FMN2: variants seen among roughly 807,000 people sequenced by gnomAD.
The protein encoded by FMN2 is formin 2.
A neutral mutation model predicts 142.3 loss-of-function variants in FMN2; 51 were observed. That is an observed-to-expected ratio of 0.36 (90% CI 0.29 to 0.45). The LOEUF (loss-of-function observed/expected upper bound fraction) is 0.45. Among genes scored for constraint, FMN2 ranks in the 20% least tolerant of loss-of-function variants. FMN2 has a pLI of 1.00. For synonymous variants in FMN2, 882 were observed against 869.8 expected (o/e 1.01, Z -0.25); for missense variants, 1,936 against 2,122.8 (o/e 0.91, Z 1.73).
At chr1:240,290,591 A>G (rs1350224) in intron 7 of FMN2, among the ~76,000 whole-genome samples, 9,973 of 152,154 alleles carry the variant, frequency 0.066, 1,094 homozygotes, top group African/African-American at 0.23. Context: ...AGCATATGCT[A>G]TAAACGAAAG....
chr1:240,329,210 G>A (rs1671297636), intron 9 of FMN2, 43 bp downstream of exon 9: 2 of 1,608,766 alleles, frequency 1.2e-6, no homozygotes, highest in African/African-American at 2.7e-5. Flanking sequence ...CCAGGCTATG[G>A]GTGGGCCCGT....
At chr1:240,225,281 A>C (rs1667260311) in intron 6 of FMN2, among the ~76,000 whole-genome samples, 1 of 152,168 alleles carries the variant, frequency 6.6e-6, no homozygotes, top group African/African-American at 2.4e-5. Context: ...TGGTAGAAAA[A>C]ATTGGTAAAT....
At chr1:240,369,357 C>G (rs867004685) in intron 14 of FMN2, among the ~76,000 whole-genome samples, 1 of 152,142 alleles carries the variant, frequency 6.6e-6, no homozygotes, top group African/African-American at 2.4e-5. Flanking sequence ...CCATTCCTTT[C>G]CAGTGTTTTA....
chr1:240,120,129 G>A (rs1006015536), intron 1 of FMN2, among the ~76,000 whole-genome samples: 1 of 152,170 alleles, frequency 6.6e-6, no homozygotes, highest in Non-Finnish European at 1.5e-5. Flanking sequence ...TTTGTCACTC[G>A]AAATATCAAA....
intron 14 of FMN2, among the ~76,000 whole-genome samples, chr1:240,363,294 T>C (rs143555107): frequency 0.01 from 1,577 of 152,374 alleles, 27 homozygotes; most frequent in African/African-American, 0.036. Flanking sequence ...TCATTGACCA[T>C]TTAATGTTGA....
At chr1:240,408,556 A>G (rs2103121578) in intron 15 of FMN2, among the ~76,000 whole-genome samples, 1 of 152,322 alleles carries the variant, frequency 6.6e-6, no homozygotes, top group South Asian at 2.1e-4. Flanking sequence ...ACTGCAAGTT[A>G]GACTTTACCA....
chr1:240,135,102 A>G (rs140615241), intron 2 of FMN2, among the ~76,000 whole-genome samples: 2 of 152,204 alleles, frequency 1.3e-5, no homozygotes. Context: ...TACTTGACAG[A>G]TAACGTGGCA....
chr1:240,142,240 C>T (rs905884690), intron 2 of FMN2, among the ~76,000 whole-genome samples: 3 of 151,954 alleles, frequency 2.0e-5, no homozygotes, highest in Non-Finnish European at 4.4e-5. Flanking sequence ...CTCCTGCTGA[C>T]CCAGTCAGGA....
chr1:240,293,667 C>G (rs796067863), intron 7 of FMN2, among the ~76,000 whole-genome samples: 8 of 152,120 alleles, frequency 5.3e-5, no homozygotes, highest in African/African-American at 1.9e-4. Context: ...GTCTGAGACT[C>G]TTACTCTTAG....
intron 8 of FMN2, among the ~76,000 whole-genome samples, chr1:240,299,911 G>A (rs997763119): frequency 8.5e-5 from 13 of 152,082 alleles, no homozygotes; most frequent in African/African-American, 3.1e-4. Context: ...GCATTTTTAC[G>A]CAAGACTAGT....
chr1:240,165,367 G>C (rs1664437482), intron 2 of FMN2, among the ~76,000 whole-genome samples: 1 of 151,960 alleles, frequency 6.6e-6, no homozygotes. Context: ...GTAGGGACGG[G>C]GTCTCTCTGT....
In FMN2 at chr1:240,230,955, A is replaced by G. The variant is rs567777587; in HGVS notation, c.4065+19720A>G. On this transcript the variant is annotated intron_variant, in intron 6 of 17. Coordinates refer to ENST00000319653, the MANE Select transcript of FMN2 (RefSeq NM_020066.5). Reference sequence around the variant, plus strand: ...ATGGCCTAGATCGGCACAAGGCTCCATAGAAATTGGCTTTGAGTTGGTCTC... The same window carrying G: ...ATGGCCTAGATCGGCACAAGGCTCCGTAGAAATTGGCTTTGAGTTGGTCTC... 3.8e-5 allele frequency among the ~76,000 whole-genome samples: 5 copies of G among 132,188 alleles called. 1 individual carries two copies. Among genetic ancestry groups the G allele is most frequent in the South Asian group, 2.4e-4 (1 of 4,252 alleles). 86.7% of individuals were successfully genotyped at this position (132,188 alleles called of 152,430 possible).
chr1:240,127,341 G>A (rs1662554604), intron 2 of FMN2, among the ~76,000 whole-genome samples: 1 of 151,830 alleles, frequency 6.6e-6, no homozygotes, highest in South Asian at 2.1e-4. Flanking sequence ...CAAAGTGCTA[G>A]GATTACAGGC....
At chr1:240,342,762 A>T (rs943811306) in intron 13 of FMN2, among the ~76,000 whole-genome samples, 1 of 152,200 alleles carries the variant, frequency 6.6e-6, no homozygotes, top group African/African-American at 2.4e-5. Context: ...CATTTAACAA[A>T]TGTTTATTAA....
chr1:240,283,503 C>CTAT (rs1255653370), intron 7 of FMN2, among the ~76,000 whole-genome samples: 1 of 152,082 alleles, frequency 6.6e-6, no homozygotes, highest in Non-Finnish European at 1.5e-5. Flanking sequence ...TTAAGGTTAC[C>CTAT]TATTATGACT....
intron 8 of FMN2, among the ~76,000 whole-genome samples, chr1:240,322,760 A>C (rs141973109): frequency 0.013 from 2,045 of 152,238 alleles, 56 homozygotes; most frequent in African/African-American, 0.047. Flanking sequence ...CCGTGTCACC[A>C]TGAGAGAGGG....
intron 8 of FMN2, among the ~76,000 whole-genome samples, chr1:240,298,878 C>T (rs1007244029): frequency 6.6e-6 from 1 of 152,104 alleles, no homozygotes; most frequent in Non-Finnish European, 1.5e-5. Context: ...TGGGAATTTT[C>T]CACTTTTTGC....
intron 2 of FMN2, among the ~76,000 whole-genome samples, chr1:240,126,139 G>A (rs770311957): frequency 2.0e-5 from 3 of 152,168 alleles, no homozygotes; most frequent in Admixed American, 6.5e-5. Context: ...TGGAGAGGGC[G>A]ACGATATAAT....
At chr1:240,359,065 C>T (rs1440260884) in intron 14 of FMN2, among the ~76,000 whole-genome samples, 1 of 152,094 alleles carries the variant, frequency 6.6e-6, no homozygotes, top group East Asian at 1.9e-4. Context: ...GCAGAGGTTG[C>T]AGTGAGCCGA....
Sources: allele counts gnomAD v4.1 joint callset (sites outside exome capture counted in the v4.1 genomes callset), GRCh38; gene constraint gnomAD v4.1.1; transcripts MANE v1.5; gene names NCBI Gene and HGNC (gene_info 2026-07-23, HGNC 2026-07-21).